CUX2: variants seen among roughly 807,000 people sequenced by gnomAD.
CUX2 encodes the protein cut like homeobox 2.
A neutral mutation model predicts 144.8 loss-of-function variants in CUX2; 40 were observed. The ratio of observed to expected loss-of-function variants is 0.28; its 90% CI spans 0.21 to 0.36. The LOEUF is 0.36. CUX2 is among the 10% of genes least tolerant of loss of function. CUX2 has a pLI of 1.00. For missense variants in CUX2, 1,615 were observed against 1,994.0 expected (o/e 0.81, Z 3.62); for synonymous variants, 827 against 875.6 (o/e 0.94, Z 0.98).
intron 1 of CUX2, among the ~76,000 whole-genome samples, chr12:111,138,232 G>A (rs993161055): frequency 2.0e-5 from 3 of 152,192 alleles, no homozygotes; most frequent in Admixed American, 1.3e-4. Flanking sequence ...TCTGGGAGTC[G>A]CTCACTTCAT....
intron 1 of CUX2, among the ~76,000 whole-genome samples, chr12:111,098,556 C>A (rs912306136): frequency 2.0e-5 from 3 of 152,190 alleles, no homozygotes; most frequent in Admixed American, 2.0e-4. Flanking sequence ...CTGTGAGCTG[C>A]CTTGCCAGCA....
At chr12:111,104,352 A>G (rs1211907989) in intron 1 of CUX2, among the ~76,000 whole-genome samples, 1 of 152,236 alleles carries the variant, frequency 6.6e-6, no homozygotes, top group South Asian at 2.1e-4. Flanking sequence ...CGAGAAGCCA[A>G]ATCTCAGGAT....
In CUX2 at chr12:111,158,688, C is replaced by A. The variant is rs1592949870; in HGVS notation, c.64-55512C>A. Among the ~76,000 whole-genome samples, 3 of 152,026 alleles carry A rather than the reference C, an allele frequency of 2.0e-5. No individual in the cohort carries two copies. The East Asian group carries it at 5.8e-4, about 29-fold the overall frequency. On this transcript the variant is annotated intron_variant, in intron 1 of 21. Transcript: ENST00000261726. ...CGATTTAAAACAAAACAAAAAAATC[C>A]TTTAGGAGAAGGGAAATGTTGTGAG... is the stretch of plus-strand genomic sequence containing the variant.
intron 1 of CUX2, among the ~76,000 whole-genome samples, chr12:111,100,372 C>T (rs1214236190): frequency 2.6e-5 from 4 of 151,908 alleles, no homozygotes; most frequent in Admixed American, 6.6e-5. Context: ...GTGTGGATCT[C>T]TGCCTATCTC....
rs558336877 is a variant in CUX2 at position 111,263,993 on chromosome 12, G to A, written c.301+154G>A. Among the ~76,000 whole-genome samples, 1 of 152,304 alleles carries A rather than the reference G, an allele frequency of 6.6e-6. No individual in the cohort carries two copies. The highest frequency in any genetic ancestry group is 2.4e-5 in the African/African-American group (1 of 41,562). On this transcript the variant is annotated intron_variant, in intron 4 of 21. Transcript: ENST00000261726. This position sits in a 1 kb window ranked among gnomAD's most constrained non-coding sequence, Gnocchi z 4.0. Reference sequence around the variant, plus strand: ...TATAGGGCAGGGGGAGCTGTGGCCAGTCTGGTGTGACATGTCCCCCCAGGG... The same window carrying A: ...TATAGGGCAGGGGGAGCTGTGGCCAATCTGGTGTGACATGTCCCCCCAGGG...
intron 1 of CUX2, among the ~76,000 whole-genome samples, chr12:111,150,503 CA>C (rs1435684045): frequency 6.6e-6 from 1 of 152,154 alleles, no homozygotes; most frequent in African/African-American, 2.4e-5. Flanking sequence ...TTATTTCTCT[CA>C]CTTTGGTTTT....
intron 1 of CUX2, among the ~76,000 whole-genome samples, chr12:111,212,811 A>T (rs563604366): frequency 6.6e-6 from 1 of 152,360 alleles, no homozygotes; most frequent in South Asian, 2.1e-4. Context: ...TGCCAGGTTT[A>T]TGGTGCTCTG....
At chr12:111,080,403 G>A (rs1871817049) in intron 1 of CUX2, among the ~76,000 whole-genome samples, 1 of 152,002 alleles carries the variant, frequency 6.6e-6, no homozygotes. Flanking sequence ...CAGGAGTGGT[G>A]GCTCACGCCT....
At chr12:111,075,244 G>A (rs1184262464) in intron 1 of CUX2, among the ~76,000 whole-genome samples, 1 of 152,222 alleles carries the variant, frequency 6.6e-6, no homozygotes, top group Non-Finnish European at 1.5e-5. Context: ...GGCCGACCCT[G>A]TCTGCGCAGA....
intron 3 of CUX2, among the ~76,000 whole-genome samples, chr12:111,228,251 G>A (rs976288421): frequency 2.0e-5 from 3 of 152,206 alleles, no homozygotes; most frequent in African/African-American, 7.2e-5. Flanking sequence ...GAACCAGACT[G>A]CCTGGGTTCA....
chr12:111,075,949 C>A (rs576408015), intron 1 of CUX2, among the ~76,000 whole-genome samples: 15 of 152,304 alleles, frequency 9.8e-5, no homozygotes, highest in Admixed American at 4.6e-4. Flanking sequence ...TGGCCGGGAA[C>A]TGTGCTAAGT....
At chr12:111,324,315 C>T (rs568268979) in intron 18 of CUX2, among the ~76,000 whole-genome samples, 30 of 146,718 alleles carry the variant, frequency 2.0e-4, no homozygotes, top group African/African-American at 6.3e-4. Flanking sequence ...CTCACCATTG[C>T]GCTCCAGCCT....
At chr12:111,223,587 TC>T (rs1881968846) in intron 3 of CUX2, among the ~76,000 whole-genome samples, 1 of 152,048 alleles carries the variant, frequency 6.6e-6, no homozygotes, top group Non-Finnish European at 1.5e-5. Flanking sequence ...TCCAAACCCA[TC>T]CTTTATGTGA....
intron 1 of CUX2, among the ~76,000 whole-genome samples, chr12:111,195,518 G>T (rs899824815): frequency 3.9e-5 from 6 of 152,242 alleles, no homozygotes; most frequent in Non-Finnish European, 8.8e-5. Flanking sequence ...ATTGGTTCTT[G>T]CAAGCTTCTG....
At chr12:111,043,904 C>T (rs1592844826) in intron 1 of CUX2, among the ~76,000 whole-genome samples, 1 of 152,166 alleles carries the variant, frequency 6.6e-6, no homozygotes, top group Admixed American at 6.5e-5. Flanking sequence ...TGCCCATCTT[C>T]GACTTCAGGG....
intron 1 of CUX2, among the ~76,000 whole-genome samples, chr12:111,041,749 G>T (rs114145193): frequency 8.6e-4 from 131 of 152,294 alleles, no homozygotes; most frequent in African/African-American, 3.0e-3. Flanking sequence ...TGTGCCAGGG[G>T]TCCTCAGTGG....
At chr12:111,112,591 C>G (rs773630092) in intron 1 of CUX2, among the ~76,000 whole-genome samples, 2 of 152,022 alleles carry the variant, frequency 1.3e-5, no homozygotes, top group Non-Finnish European at 2.9e-5. Flanking sequence ...TTTGGACAAG[C>G]TGTGTGCTTT....
At chr12:111,150,591 G>A (rs758305299) in intron 1 of CUX2, among the ~76,000 whole-genome samples, 3 of 152,160 alleles carry the variant, frequency 2.0e-5, no homozygotes, top group Non-Finnish European at 4.4e-5. Flanking sequence ...TTAGGGAAGG[G>A]AATAAGGAGC....
At chr12:111,175,792 T>C (rs1005781627) in intron 1 of CUX2, among the ~76,000 whole-genome samples, 1 of 152,002 alleles carries the variant, frequency 6.6e-6, no homozygotes, top group Non-Finnish European at 1.5e-5. Context: ...TCACCGCCGG[T>C]TGCAATGTTT....
Sources: gnomAD v4.1 joint callset for allele counts (sites outside exome capture counted in the v4.1 genomes callset) on GRCh38, gnomAD v4.1.1 for gene constraint, Gnocchi (gnomAD v3.1) non-coding constraint, MANE v1.5 for transcripts, NCBI Gene and HGNC (gene_info 2026-07-23, HGNC 2026-07-21) for gene names.